Variants in WDFY4 observed in about 807,000 individuals in gnomAD.
WDFY4 encodes WDFY family member 4.
A neutral mutation model predicts 351.9 loss-of-function variants in WDFY4; 169 were observed. The observed-to-expected ratio is 0.48, with a 90% CI of 0.42 to 0.55. WDFY4 has a LOEUF of 0.55. WDFY4 is among the 20% of genes least tolerant of loss of function. WDFY4 has a pLI of 0.00. For synonymous variants in WDFY4, 1,622 were observed against 1,574.6 expected (o/e 1.03, Z -0.71); for missense variants, 3,803 against 3,935.6 (o/e 0.97, Z 0.90).
intron 52 of WDFY4, among the ~76,000 whole-genome samples, chr10:48,958,563 G>A (rs906219639): frequency 2.0e-5 from 3 of 152,192 alleles, no homozygotes; most frequent in African/African-American, 7.2e-5. Flanking sequence ...AGAAAAGTCA[G>A]GAGAACAAGT....
intron 19 of WDFY4, among the ~76,000 whole-genome samples, chr10:48,783,915 C>G (rs2066308905): frequency 6.6e-6 from 1 of 152,182 alleles, no homozygotes; most frequent in African/African-American, 2.4e-5. Context: ...TGATGGACCA[C>G]CATTGCATAT....
intron 1 of WDFY4, among the ~76,000 whole-genome samples, chr10:48,709,017 C>G (rs1035939060): frequency 1.1e-3 from 170 of 151,256 alleles, no homozygotes; most frequent in African/African-American, 4.0e-3. Flanking sequence ...ACCCCCCCCC[C>G]CCAAACAGGC....
chr10:48,789,552 C>T (rs1355337785), intron 21 of WDFY4, among the ~76,000 whole-genome samples: 3 of 152,188 alleles, frequency 2.0e-5, no homozygotes, highest in Non-Finnish European at 2.9e-5. Context: ...ACCTTGGTAG[C>T]GCTGTTCCAC....
At chr10:48,768,547 T>C (rs2065750155) in intron 13 of WDFY4, among the ~76,000 whole-genome samples, 1 of 152,212 alleles carries the variant, frequency 6.6e-6, no homozygotes, top group Admixed American at 6.5e-5. Flanking sequence ...ACATCACTCT[T>C]TCTGACTATC....
At chr10:48,827,080 C>A (rs2068033266) in intron 36 of WDFY4, among the ~76,000 whole-genome samples, 171 bp downstream of exon 36, 1 of 152,176 alleles carries the variant, frequency 6.6e-6, no homozygotes, top group South Asian at 2.1e-4. Context: ...AATCCCCAAA[C>A]TTGTCCATGT....
chr10:48,825,341 T>C (rs1033429407), intron 35 of WDFY4, among the ~76,000 whole-genome samples: 3 of 152,276 alleles, frequency 2.0e-5, no homozygotes, highest in Non-Finnish European at 4.4e-5. Flanking sequence ...CACCATATTT[T>C]CTTTATCCAA....
intron 53 of WDFY4, among the ~76,000 whole-genome samples, chr10:48,960,729 A>G (rs1409722511): frequency 6.6e-6 from 1 of 152,260 alleles, no homozygotes; most frequent in Non-Finnish European, 1.5e-5. Flanking sequence ...AATGCTACTC[A>G]GCAGTAAAAA....
At chr10:48,824,053 G>A (rs2133014995) in intron 35 of WDFY4, 1 of 985,442 alleles carries the variant, frequency 1.0e-6, no homozygotes, top group South Asian at 4.7e-5. Flanking sequence ...TTTCATGGAA[G>A]CCAAACAGAT....
intron 2 of WDFY4, 113 bp from the exon 3 acceptor site, chr10:48,719,898 G>A (rs2064024406): frequency 1.1e-6 from 1 of 941,414 alleles, no homozygotes. Context: ...GCATGCACCT[G>A]GGAAAGGAAG....
At chr10:48,811,221 G>A (rs1366810905) in intron 29 of WDFY4, among the ~76,000 whole-genome samples, 1 of 152,166 alleles carries the variant, frequency 6.6e-6, no homozygotes, top group Non-Finnish European at 1.5e-5. Flanking sequence ...CCACTACAAT[G>A]CAAGCTTCAT....
At chr10:48,773,947 G>C (rs937137561) in intron 13 of WDFY4, among the ~76,000 whole-genome samples, 1 of 152,130 alleles carries the variant, frequency 6.6e-6, no homozygotes, top group African/African-American at 2.4e-5. Context: ...AGCCAAGCTG[G>C]GGGGGATGTT....
At position 48,867,313 on chromosome 10, in the gene WDFY4, T is replaced by C; in HGVS notation, c.6712T>C (p.Tyr2238His). 1 of 1,505,366 alleles carries C rather than the reference T, an allele frequency of 6.6e-7. No individual in the cohort carries two copies. The highest frequency in any genetic ancestry group is 1.3e-5 in the South Asian group (1 of 75,438). The allele number at this position is 1,505,366 out of a possible 1,614,324, so 93.3% of individuals were successfully genotyped here. The change falls in exon 40 of 62, where the codon TAT becomes CAT. Residue 2238 changes from tyrosine to histidine, a missense_variant. Around this residue, in one of 3 missense-constraint regions of WDFY4, gnomAD observed 3,054 missense variants for 3,148.6 expected, o/e 0.97. Coordinates refer to ENST00000325239, the MANE Select transcript of WDFY4 (RefSeq NM_001394531.1). The stretch of plus-strand genomic sequence containing the variant: ...CTACAGAAGAAGAGGACAAGAGCTA[T>C]ATGCATCTTTATACAAAGACCATGT... Reference protein sequence around the residue: ...ENYRRRGQELYASLYKDHVQR... With the variant: ...ENYRRRGQELHASLYKDHVQR...
chr10:48,953,916 C>G (rs1326758595), intron 51 of WDFY4, among the ~76,000 whole-genome samples: 1 of 152,198 alleles, frequency 6.6e-6, no homozygotes, highest in Non-Finnish European at 1.5e-5. Flanking sequence ...ACTTTGTGTC[C>G]TCTCATGAAA....
chr10:48,977,395 A>G (rs555222637), intron 59 of WDFY4, among the ~76,000 whole-genome samples: 55 of 151,878 alleles, frequency 3.6e-4, no homozygotes, highest in Non-Finnish European at 7.2e-4. Flanking sequence ...CCATCCATCC[A>G]CCCATCCATC....
intron 51 of WDFY4, among the ~76,000 whole-genome samples, 158 bp from the exon 52 acceptor site, chr10:48,956,971 C>T (rs764803586): frequency 8.5e-5 from 13 of 152,152 alleles, no homozygotes; most frequent in African/African-American, 2.9e-4. Flanking sequence ...TGGAGAACCA[C>T]GGCACACACA....
At chr10:48,942,990 C>G (rs1840858112) in intron 48 of WDFY4, among the ~76,000 whole-genome samples, 1 of 152,208 alleles carries the variant, frequency 6.6e-6, no homozygotes, top group Admixed American at 6.5e-5. Flanking sequence ...GGTCAGCAGT[C>G]AGTTCACCCA....
chr10:48,923,496 G>GTATATATATATATATATATATATATATA (rs374289050), intron 47 of WDFY4, among the ~76,000 whole-genome samples: 1,322 of 62,544 alleles, frequency 0.021, 129 homozygotes, highest in African/African-American at 0.033. Flanking sequence ...ATAGTTTTTA[G>GTATATATATATATATATATATATATATA]TATATATATA....
Position 48,821,152 on chromosome 10 carries a change from G to A in WDFY4, c.5800G>A (p.Gly1934Arg), listed in dbSNP as rs2067810223. ...TATGGAACTATTCCACATGACAAGT[G>A]GAGGTGATGCAGCGATGTTCAGAGG... ...SAMELFHMTS[G>R]GDAAMFRDGK... Residue 1934 changes from glycine (G) to arginine (R), a missense_variant, in exon 34 of 62, where the codon GGA (glycine) becomes AGA (arginine). Physicochemically the swap from Gly to Arg is moderately radical, Grantham distance 125. Around this residue, in one of 3 missense-constraint regions of WDFY4, gnomAD observed 3,054 missense variants for 3,148.6 expected, o/e 0.97. Transcript: ENST00000325239. The A allele has an allele frequency of 1.3e-6, 2 of 1,551,668 alleles. No homozygotes were observed. Among genetic ancestry groups the A allele is most frequent in the Non-Finnish European group, 1.7e-6 (2 of 1,146,922 alleles).
intron 47 of WDFY4, among the ~76,000 whole-genome samples, chr10:48,923,642 C>T (rs1839319805): frequency 6.6e-6 from 1 of 151,742 alleles, no homozygotes; most frequent in African/African-American, 2.4e-5. Context: ...TTTGTTCATT[C>T]ACTGTATGAG....
Sources: allele counts gnomAD v4.1 joint callset (sites outside exome capture counted in the v4.1 genomes callset), GRCh38; gene constraint gnomAD v4.1.1; regional missense constraint gnomAD v4.1.1; transcripts MANE v1.5; gene names NCBI Gene and HGNC (gene_info 2026-07-23, HGNC 2026-07-21).